Variants in DPH6 observed in about 807,000 individuals in gnomAD.
DPH6 encodes diphthamine biosynthesis 6, also known as diphthine--ammonia ligase.
DPH6 carries 33 observed loss-of-function variants against 38.2 expected under a neutral mutation model. That is an observed-to-expected ratio of 0.86 (90% confidence interval 0.65 to 1.15). DPH6 has a LOEUF of 1.15. Among genes scored for constraint, DPH6 ranks in the 50% most tolerant of loss-of-function variants. The pLI is 0.00. For synonymous variants in DPH6, 108 were observed against 103.0 expected (o/e 1.05, Z -0.30); for missense variants, 325 against 320.0 (o/e 1.02, Z -0.12).
At chr15:35,388,706 A>G (rs1035138152) in intron 6 of DPH6, among the ~76,000 whole-genome samples, 3 of 151,922 alleles carry the variant, frequency 2.0e-5, no homozygotes, top group Non-Finnish European at 4.4e-5. Context: ...GTCATTTTTT[A>G]TTGCATCTAT....
the DPH6 span, among the ~76,000 whole-genome samples, chr15:35,178,834 A>G: frequency 6.6e-6 from 1 of 152,144 alleles, no homozygotes; most frequent in Non-Finnish European, 1.5e-5. Flanking sequence ...AAGCTTTTGA[A>G]TAACAGAGAA....
chr15:35,478,218 A>C (rs943584701), intron 3 of DPH6, among the ~76,000 whole-genome samples: 1 of 151,940 alleles, frequency 6.6e-6, no homozygotes, highest in African/African-American at 2.4e-5. Flanking sequence ...GTTACTGATA[A>C]GCCTATAACT....
Position 35,276,782 on chromosome 15 carries a change from G to A in DPH6, n.201-56200C>T, listed in dbSNP as rs188158899. Among the ~76,000 whole-genome samples, 272 of 152,216 alleles carry A rather than the reference G, an allele frequency of 1.8e-3. 1 individual carries two copies. The highest frequency in any genetic ancestry group is 6.3e-3 in the African/African-American group (260 of 41,530). On this transcript the variant is annotated intron_variant and non_coding_transcript_variant, in intron 3 of 3. Transcript: ENST00000560386. ...TCTGGGTTCTCTATTCTGTTCCATT[G>A]GTCTATGTGCCTATTTTTATACAGT... is the stretch of plus-strand genomic sequence containing the variant.
intron 3 of DPH6, among the ~76,000 whole-genome samples, chr15:35,303,019 A>G (rs993204950): frequency 1.3e-5 from 2 of 152,142 alleles, no homozygotes; most frequent in African/African-American, 4.8e-5. Context: ...TATTGGGGCA[A>G]GTCTTCTTTG....
chr15:35,268,212 TAAATA>T (rs1183359846), intron 3 of DPH6, among the ~76,000 whole-genome samples: 8 of 128,306 alleles, frequency 6.2e-5, no homozygotes, highest in African/African-American at 2.5e-4. Flanking sequence ...AATAAATAAA[TAAATA>T]AAAGAAAACT....
chr15:35,280,903 C>T (rs1161550713), intron 3 of DPH6, among the ~76,000 whole-genome samples: 1 of 152,100 alleles, frequency 6.6e-6, no homozygotes, highest in Admixed American at 6.5e-5. Flanking sequence ...ACTTACTTTT[C>T]TATGCTTTCT....
At chr15:35,249,989 C>T (rs1841904852) in intron 3 of DPH6, among the ~76,000 whole-genome samples, 1 of 145,506 alleles carries the variant, frequency 6.9e-6, no homozygotes, top group Non-Finnish European at 1.5e-5. Context: ...CGGCGAAACA[C>T]CATCTCTACT....
intron 3 of DPH6, among the ~76,000 whole-genome samples, chr15:35,465,537 A>T (rs934840515): frequency 1.3e-5 from 2 of 152,252 alleles, no homozygotes; most frequent in Admixed American, 6.5e-5. Flanking sequence ...GCTAATAAAA[A>T]TAACCAAAGA....
At chr15:35,363,326 A>G (rs941256763) in intron 3 of DPH6, among the ~76,000 whole-genome samples, 3 of 152,190 alleles carry the variant, frequency 2.0e-5, no homozygotes, top group South Asian at 4.1e-4. Flanking sequence ...TTATATATAT[A>G]CAAATTAAGA....
intron 4 of DPH6, among the ~76,000 whole-genome samples, chr15:35,452,392 G>A (rs1036315703): frequency 1.8e-4 from 28 of 152,096 alleles, no homozygotes; most frequent in African/African-American, 6.8e-4. Flanking sequence ...CAAGAATATA[G>A]CTCTAAAACC....
chr15:35,249,671 C>T (rs2051658326), intron 3 of DPH6, among the ~76,000 whole-genome samples: 1 of 152,098 alleles, frequency 6.6e-6, no homozygotes, highest in Non-Finnish European at 1.5e-5. Flanking sequence ...TAATATGCCA[C>T]TCCAATTTTG....
chr15:35,340,653 A>T (rs1165257452), intron 3 of DPH6, among the ~76,000 whole-genome samples: 2 of 152,172 alleles, frequency 1.3e-5, no homozygotes, highest in African/African-American at 2.4e-5. Flanking sequence ...GTTTGGCTGG[A>T]TATAAAATTC....
At chr15:35,458,911 C>T (rs2054029682) in intron 3 of DPH6, among the ~76,000 whole-genome samples, 1 of 152,180 alleles carries the variant, frequency 6.6e-6, no homozygotes, top group Non-Finnish European at 1.5e-5. Flanking sequence ...CAAACAGTTC[C>T]CGTGCCCCTT....
intron 3 of DPH6, among the ~76,000 whole-genome samples, chr15:35,287,687 A>AT (rs781566089): frequency 1.3e-5 from 2 of 151,908 alleles, no homozygotes; most frequent in Non-Finnish European, 2.9e-5. Context: ...ACAAGTGATT[A>AT]TTTTTTTCAT....
chr15:35,501,140 C>T (rs1038167446), intron 3 of DPH6, among the ~76,000 whole-genome samples: 1 of 151,870 alleles, frequency 6.6e-6, no homozygotes, highest in African/African-American at 2.4e-5. Context: ...TCCCTTTTTC[C>T]CATCTCATCG....
In DPH6 at chr15:35,371,547, G is replaced by C. The variant is rs1253821246; in HGVS notation, c.*603C>G. 1.0e-6 allele frequency: 1 copy of C among 970,178 alleles called. No homozygotes were observed. The highest frequency in any genetic ancestry group is 1.2e-6 in the Non-Finnish European group (1 of 816,298). The allele number at this position is 970,178 out of a possible 1,614,324, so 60.1% of individuals were successfully genotyped here. A position where few individuals can be genotyped will look rare whatever the true frequency, so the allele number is the denominator to read the frequency against. On this transcript the variant is annotated 3_prime_UTR_variant, in exon 9 of 9. Transcript: ENST00000256538. Reference sequence around the variant, plus strand: ...AACATAAAGTCTATTTTTTGTAAAAGTTTTCTAAGGTCAACATAGTTAATA... The same window carrying C: ...AACATAAAGTCTATTTTTTGTAAAACTTTTCTAAGGTCAACATAGTTAATA...
intron 3 of DPH6, among the ~76,000 whole-genome samples, chr15:35,347,798 C>T (rs1022067358): frequency 2.0e-5 from 3 of 152,004 alleles, no homozygotes; most frequent in African/African-American, 4.8e-5. Context: ...TTCTCCTCAT[C>T]TTCAAGAACA....
intron 3 of DPH6, among the ~76,000 whole-genome samples, chr15:35,477,724 T>C: frequency 6.6e-6 from 1 of 151,912 alleles, no homozygotes; most frequent in East Asian, 1.9e-4. Context: ...ATTGTTTAAA[T>C]TGGTGTGACT....
At chr15:35,332,313 G>C (rs1051289363) in intron 3 of DPH6, among the ~76,000 whole-genome samples, 2 of 152,036 alleles carry the variant, frequency 1.3e-5, no homozygotes, top group African/African-American at 4.8e-5. Context: ...AAATTTGAAA[G>C]TTAAAAAAGG....
Sources: gnomAD v4.1 joint callset for allele counts (sites outside exome capture counted in the v4.1 genomes callset) on GRCh38, gnomAD v4.1.1 for gene constraint, MANE v1.5 for transcripts, NCBI Gene and HGNC (gene_info 2026-07-23, HGNC 2026-07-21) for gene names.